ZCWPW2: variants seen among roughly 807,000 people sequenced by gnomAD.
ZCWPW2 encodes the protein zinc finger CW-type PWWP domain protein 2.
A neutral mutation model predicts 46.6 loss-of-function variants in ZCWPW2; 45 were observed. That is an observed-to-expected ratio of 0.96 (90% CI 0.76 to 1.24). ZCWPW2 has a LOEUF of 1.24. Among genes scored for constraint, ZCWPW2 ranks in the 50% most tolerant of loss-of-function variants. The pLI, the probability that ZCWPW2 is intolerant of heterozygous loss-of-function variation, is 0.00. For synonymous variants in ZCWPW2, 152 were observed against 137.1 expected, an observed-to-expected ratio of 1.11 and a Z score of -0.76; for missense variants, 429 against 403.9, an observed-to-expected ratio of 1.06 and a Z score of -0.53.
At position 28,399,055 on chromosome 3, in the gene ZCWPW2, A is replaced by G. The variant is rs146088511; in HGVS notation, c.-14+8438A>G. On this transcript the variant is annotated intron_variant, in intron 2 of 9. Coordinates refer to ENST00000383768, the MANE Select transcript of ZCWPW2 (RefSeq NM_001040432.4). ...TAGCCTGGGGCAAGTTCTCAGCCCCATTTGCCCACTGCCTGGAAACAGACT... is the reference window on the plus strand; with the variant it reads ...TAGCCTGGGGCAAGTTCTCAGCCCCGTTTGCCCACTGCCTGGAAACAGACT... Among the ~76,000 whole-genome samples the G allele has an allele frequency of 2.5e-3, 386 of 152,158 alleles. 1 individual carries two copies. The highest frequency in any genetic ancestry group is 8.4e-3 in the African/African-American group (350 of 41,520).
intron 4 of ZCWPW2, among the ~76,000 whole-genome samples, chr3:28,441,021 G>C (rs574428178): frequency 3.9e-5 from 6 of 152,308 alleles, no homozygotes; most frequent in African/African-American, 1.4e-4. Context: ...CCCTTGGTGA[G>C]TGGAAGTTGA....
rs537115478 is a variant in ZCWPW2, at chr3:28,474,630, C to T, written c.493-4184C>T. Among the ~76,000 whole-genome samples the T allele has an allele frequency of 1.5e-3, 221 of 144,768 alleles. 2 individuals are homozygous for T. The highest frequency in any genetic ancestry group is 5.1e-3 in the African/African-American group (198 of 38,916). 95.0% of individuals were successfully genotyped at this position (144,768 alleles called of 152,430 possible). On this transcript the variant is annotated intron_variant, in intron 4 of 9. Transcript: ENST00000383768. ...GTGTGTGTGTGTGTGTGCGCGCGCG[C>T]GCGCGCGCACATGCGCATTTGTGTA... is the stretch of plus-strand genomic sequence containing the variant.
At chr3:28,429,912 A>C (rs1697178805) in intron 3 of ZCWPW2, among the ~76,000 whole-genome samples, 1 of 152,178 alleles carries the variant, frequency 6.6e-6, no homozygotes, top group Non-Finnish European at 1.5e-5. Flanking sequence ...TAGATTTCAG[A>C]GGATGTATGG....
chr3:28,365,712 C>G lies in ZCWPW2; in HGVS notation c.-134+16509C>G, dbSNP rs1271311927. Among the ~76,000 whole-genome samples the G allele has an allele frequency of 1.4e-5, 2 of 141,080 alleles. 1 individual carries two copies. Among genetic ancestry groups the G allele is most frequent in the Non-Finnish European group, 3.2e-5 (2 of 62,992 alleles). The allele number at this position is 141,080 out of a possible 152,430, so 92.6% of individuals were successfully genotyped here. On this transcript the variant is annotated intron_variant, in intron 1 of 9. Transcript: ENST00000383768. Reference sequence around the variant, plus strand: ...GTCATTGGTAGCTTGATGGGGATGACATTGAATCTATAAATTACCTTGGGC... The same window carrying G: ...GTCATTGGTAGCTTGATGGGGATGAGATTGAATCTATAAATTACCTTGGGC...
chr3:28,355,360 A>G (rs1704692049), intron 1 of ZCWPW2, among the ~76,000 whole-genome samples: 1 of 152,260 alleles, frequency 6.6e-6, no homozygotes. Flanking sequence ...GGACGCAAAT[A>G]AATGGAGGAA....
intron 1 of ZCWPW2, among the ~76,000 whole-genome samples, chr3:28,381,084 A>G (rs1312601687): frequency 1.5e-5 from 2 of 131,306 alleles, no homozygotes; most frequent in African/African-American, 2.8e-5. Context: ...ATATATACAG[A>G]AAAGTAAAAC....
chr3:28,469,405 C>T (rs2125795208), intron 4 of ZCWPW2, among the ~76,000 whole-genome samples: 1 of 152,018 alleles, frequency 6.6e-6, no homozygotes, highest in Admixed American at 6.6e-5. Context: ...ACTGAACTCT[C>T]CAATCAAAAG....
chr3:28,465,086 A>T (rs73822642), intron 4 of ZCWPW2, among the ~76,000 whole-genome samples: 3,133 of 152,318 alleles, frequency 0.021, 107 homozygotes, highest in African/African-American at 0.063. Flanking sequence ...ATTTTTCTAA[A>T]TGTAGTTTTT....
chr3:28,411,924 T>A (rs906398780), intron 2 of ZCWPW2, among the ~76,000 whole-genome samples: 1 of 152,106 alleles, frequency 6.6e-6, no homozygotes, highest in Non-Finnish European at 1.5e-5. Flanking sequence ...TTGGTCTTTT[T>A]AAAATTTATT....
rs749956911 is a variant in ZCWPW2 at position 28,413,190 on chromosome 3, G to T, written c.122G>T (p.Trp41Leu). 1 of 1,613,380 alleles carries T rather than the reference G, an allele frequency of 6.2e-7. No individual in the cohort carries two copies. The highest frequency in any genetic ancestry group is 8.5e-7 in the Non-Finnish European group (1 of 1,179,554). The change falls in exon 3 of 10, where the codon TGG (tryptophan) becomes TTG (leucine). Residue 41 changes from tryptophan (W) to leucine (L), a missense_variant. Trp to Leu is a moderately conservative substitution (Grantham distance 61, BLOSUM62 -2). Coordinates refer to ENST00000383768, the MANE Select transcript of ZCWPW2 (RefSeq NM_001040432.4). ...VQCENENCLK[W>L]RLLSSEDSAK... ...TGTGAGAATGAAAATTGTTTGAAAT[G>T]GAGATTGTTATCAAGTGAGGATTCA...
intron 3 of ZCWPW2, among the ~76,000 whole-genome samples, chr3:28,433,547 A>G (rs987435440): frequency 1.3e-5 from 2 of 152,154 alleles, no homozygotes; most frequent in African/African-American, 4.8e-5. Flanking sequence ...CGGGCGGATC[A>G]CTTGAGGTCA....
Position 28,524,784 on chromosome 3 carries a change from A to T in ZCWPW2, c.*96A>T, listed in dbSNP as rs1191567296. On this transcript the variant is annotated 3_prime_UTR_variant, in exon 10 of 10. Coordinates refer to ENST00000383768, the MANE Select transcript of ZCWPW2 (RefSeq NM_001040432.4). ...AAAAATGTTTAGTGAAATAGGTATA[A>T]ATTATACCAAAGTTTATATTTGCGG... 3 of 1,049,826 alleles carry T rather than the reference A, an allele frequency of 2.9e-6. No homozygotes were observed. The highest frequency in any genetic ancestry group is 3.8e-6 in the Non-Finnish European group (3 of 793,208). The allele number at this position is 1,049,826 out of a possible 1,614,324, so 65.0% of individuals were successfully genotyped here.
chr3:28,482,627 G>C (rs1699468987), intron 5 of ZCWPW2, among the ~76,000 whole-genome samples: 1 of 152,172 alleles, frequency 6.6e-6, no homozygotes, highest in Non-Finnish European at 1.5e-5. Context: ...CAATGAATGA[G>C]AGTTCCTGTT....
intron 3 of ZCWPW2, among the ~76,000 whole-genome samples, chr3:28,414,406 C>T (rs1344206394): frequency 1.3e-5 from 2 of 151,192 alleles, no homozygotes; most frequent in Admixed American, 6.6e-5. Context: ...TAGGGAAACT[C>T]GTTTCATGGG....
At chr3:28,451,836 G>A (rs1247664379) in intron 4 of ZCWPW2, among the ~76,000 whole-genome samples, 4 of 152,112 alleles carry the variant, frequency 2.6e-5, no homozygotes, top group Non-Finnish European at 4.4e-5. Flanking sequence ...GGAAAAATAC[G>A]TTGGAAAATA....
At chr3:28,479,617 A>G (rs1484582533) in intron 5 of ZCWPW2, among the ~76,000 whole-genome samples, 2 of 152,132 alleles carry the variant, frequency 1.3e-5, no homozygotes, top group Non-Finnish European at 2.9e-5. Flanking sequence ...GATATTTCAT[A>G]ACCCAGGTAT....
intron 2 of ZCWPW2, among the ~76,000 whole-genome samples, chr3:28,400,799 C>A (rs1237622076): frequency 6.6e-6 from 1 of 152,168 alleles, no homozygotes; most frequent in African/African-American, 2.4e-5. Context: ...CGCTCTAAAT[C>A]TTGAAAGAAA....
rs943510491 is a variant in ZCWPW2 at position 28,497,395 on chromosome 3, A to G, written c.657+5222A>G. ...AACATTCTGCATAGCATACCATAGT[A>G]GATGTATCAAAGTTTTATTGACCAG... On this transcript the variant is annotated intron_variant, in intron 6 of 9. Coordinates refer to ENST00000383768, the MANE Select transcript of ZCWPW2 (RefSeq NM_001040432.4). Among the ~76,000 whole-genome samples, 4 of 152,038 alleles carry G rather than the reference A, an allele frequency of 2.6e-5. No individual in the cohort carries two copies. The South Asian group carries it at 8.3e-4, about 31-fold the overall frequency.
chr3:28,397,818 G>C (rs1006581251), intron 2 of ZCWPW2, among the ~76,000 whole-genome samples: 9 of 152,114 alleles, frequency 5.9e-5, no homozygotes, highest in African/African-American at 1.9e-4. Flanking sequence ...TAATCGTACT[G>C]TTATTAAGTT....
Sources: allele counts gnomAD v4.1 joint callset (sites outside exome capture counted in the v4.1 genomes callset), GRCh38; gene constraint gnomAD v4.1.1; transcripts MANE v1.5; gene names NCBI Gene and HGNC (gene_info 2026-07-23, HGNC 2026-07-21).